Variants in RIMS2 observed in about 807,000 individuals in gnomAD.
The protein encoded by RIMS2 is regulating synaptic membrane exocytosis 2, also known as regulating synaptic membrane exocytosis protein 2.
Under a neutral mutation model 174.4 loss-of-function variants are expected in RIMS2, and 59 were observed. The ratio of observed to expected loss-of-function variants is 0.34; its 90% CI spans 0.27 to 0.42. RIMS2 has a LOEUF of 0.42. Ranked by LOEUF, RIMS2 falls within the 10% of genes least tolerant of loss-of-function variation. The probability of loss-of-function intolerance (pLI) is 1.00; values close to 1 mark genes in which losing one functional copy is unlikely to be tolerated. For missense variants in RIMS2, 1,620 were observed against 1,666.3 expected (o/e 0.97, Z 0.48); for synonymous variants, 606 against 572.5 (o/e 1.06, Z -0.84).
At chr8:103,607,499 G>T (rs1301040737) in intron 1 of RIMS2, among the ~76,000 whole-genome samples, 1 of 151,112 alleles carries the variant, frequency 6.6e-6, no homozygotes, top group Non-Finnish European at 1.5e-5. Context: ...TCTTCTTGAG[G>T]AGTATCTTTG....
At position 104,238,070 on chromosome 8, in the gene RIMS2, C is replaced by A. The variant is rs1403525124; in HGVS notation, c.3335-6846C>A. On this transcript the variant is annotated intron_variant, in intron 19 of 23. Transcript: ENST00000504942. ...AACCCAAATGCCCGTCAATGATAGA[C>A]TGGATAAAGAAAATGTGGCACATAT... Among the ~76,000 whole-genome samples, 3 of 152,184 alleles carry A rather than the reference C, an allele frequency of 2.0e-5. No individual in the cohort carries two copies. In the East Asian group the frequency reaches 5.8e-4, roughly 29 times the overall value.
At chr8:103,957,242 A>G (rs2087675364) in intron 14 of RIMS2, among the ~76,000 whole-genome samples, 1 of 152,208 alleles carries the variant, frequency 6.6e-6, no homozygotes, top group Non-Finnish European at 1.5e-5. Flanking sequence ...CAGCAATCCC[A>G]TTACTGGTTA....
At chr8:104,006,134 T>G (rs1057355464) in intron 17 of RIMS2, among the ~76,000 whole-genome samples, 7 of 152,192 alleles carry the variant, frequency 4.6e-5, no homozygotes, top group African/African-American at 1.7e-4. Context: ...CATTTCTGAC[T>G]CTAGCCTATC....
intron 2 of RIMS2, among the ~76,000 whole-genome samples, chr8:103,717,138 C>CTTTTTTTTTTTTTTTTTTTTTT (rs11373218): frequency 2.7e-5 from 3 of 113,106 alleles, no homozygotes; most frequent in Non-Finnish European, 3.5e-5. Context: ...ATAGTGCCTT[C>CTTTTTTTTTTTTTTTTTTTTTT]TTTTTTTTTT....
At chr8:103,924,800 C>T (rs761681926) in intron 10 of RIMS2, among the ~76,000 whole-genome samples, 1 of 151,572 alleles carries the variant, frequency 6.6e-6, no homozygotes, top group Non-Finnish European at 1.5e-5. Context: ...TTTTCATGCT[C>T]AAGGCTGTTG....
intron 3 of RIMS2, among the ~76,000 whole-genome samples, chr8:103,786,834 TTC>T (rs1454915510): frequency 6.6e-6 from 1 of 152,174 alleles, no homozygotes; most frequent in Non-Finnish European, 1.5e-5. Flanking sequence ...CTTTTTGACT[TTC>T]TGTTTCGTTG....
chr8:103,520,295 A>G (rs565614584), intron 1 of RIMS2, among the ~76,000 whole-genome samples: 1 of 152,302 alleles, frequency 6.6e-6, no homozygotes, highest in Non-Finnish European at 1.5e-5. Flanking sequence ...CTTGTGCTCT[A>G]CATCCCCATC....
chr8:103,815,759 T>C (rs1326687120), intron 3 of RIMS2, among the ~76,000 whole-genome samples: 1 of 152,144 alleles, frequency 6.6e-6, no homozygotes, highest in Admixed American at 6.6e-5. Flanking sequence ...AACATAATTG[T>C]TAGAATTCAG....
chr8:103,729,645 T>C (rs901252588), intron 2 of RIMS2, among the ~76,000 whole-genome samples: 1 of 152,162 alleles, frequency 6.6e-6, no homozygotes, highest in Admixed American at 6.5e-5. Context: ...ACTGTTAGTT[T>C]ATTTTAAGTT....
At chr8:103,850,466 G>T (rs1370349141) in intron 3 of RIMS2, among the ~76,000 whole-genome samples, 1 of 151,980 alleles carries the variant, frequency 6.6e-6, no homozygotes, top group African/African-American at 2.4e-5. Context: ...TTGGAGTCCT[G>T]TTACAGAGGC....
intron 3 of RIMS2, among the ~76,000 whole-genome samples, chr8:103,815,481 ACT>A (rs1189839015): frequency 1.3e-5 from 2 of 152,118 alleles, no homozygotes; most frequent in Non-Finnish European, 2.9e-5. Context: ...TTCCAGTGAG[ACT>A]CTAAAGATTC....
chr8:103,930,209 T>A (rs1228933433), intron 11 of RIMS2, among the ~76,000 whole-genome samples: 1 of 152,070 alleles, frequency 6.6e-6, no homozygotes, highest in Non-Finnish European at 1.5e-5. Flanking sequence ...TTTTATATAC[T>A]TTTTTGGGCT....
intron 13 of RIMS2, among the ~76,000 whole-genome samples, chr8:103,940,546 C>T (rs575398667): frequency 6.6e-6 from 1 of 151,924 alleles, no homozygotes; most frequent in African/African-American, 2.4e-5. Context: ...GGAAAAACAA[C>T]AATCTGTAGA....
chr8:104,215,548 A>G (rs1346637421), intron 19 of RIMS2, among the ~76,000 whole-genome samples: 6 of 152,254 alleles, frequency 3.9e-5, no homozygotes, highest in Non-Finnish European at 8.8e-5. Flanking sequence ...ATATTTGTGT[A>G]GAATGTTTAC....
chr8:103,808,547 G>C (rs2098665694), intron 3 of RIMS2, among the ~76,000 whole-genome samples: 2 of 152,026 alleles, frequency 1.3e-5, no homozygotes, highest in African/African-American at 4.8e-5. Flanking sequence ...TCTCTGTCTT[G>C]TTAGCTGTCT....
chr8:103,607,301 C>G (rs1180704716), intron 1 of RIMS2, among the ~76,000 whole-genome samples: 1 of 152,032 alleles, frequency 6.6e-6, no homozygotes, highest in Non-Finnish European at 1.5e-5. Flanking sequence ...GATGAAAATT[C>G]TTTTCTTTAA....
At chr8:103,547,661 G>A (rs1367576160) in intron 1 of RIMS2, among the ~76,000 whole-genome samples, 1 of 152,086 alleles carries the variant, frequency 6.6e-6, no homozygotes, top group African/African-American at 2.4e-5. Flanking sequence ...ACCAAAATCA[G>A]TGCTGAAGTG....
intron 19 of RIMS2, among the ~76,000 whole-genome samples, chr8:104,161,111 A>T (rs1486729628): frequency 6.6e-6 from 1 of 152,134 alleles, no homozygotes; most frequent in African/African-American, 2.4e-5. Context: ...TCTAACATAT[A>T]CTAAGTTTCT....
intron 3 of RIMS2, among the ~76,000 whole-genome samples, chr8:103,828,613 A>G (rs1593275121): frequency 6.6e-6 from 1 of 151,784 alleles, no homozygotes; most frequent in East Asian, 1.9e-4. Context: ...TTTTGTTGCA[A>G]TTGCTTTTGG....
Sources: allele counts gnomAD v4.1 joint callset (sites outside exome capture counted in the v4.1 genomes callset), GRCh38; gene constraint gnomAD v4.1.1; transcripts MANE v1.5; gene names NCBI Gene and HGNC (gene_info 2026-07-23, HGNC 2026-07-21).